COL25A1: variants seen among roughly 807,000 people sequenced by gnomAD.
The protein encoded by COL25A1 is collagen alpha-1(XXV) chain.
A neutral mutation model predicts 128.4 loss-of-function variants in COL25A1; 103 were observed. That is an observed-to-expected ratio of 0.80 (90% CI 0.68 to 0.94). The LOEUF is 0.94. Ranked by LOEUF, COL25A1 falls within the 40% of genes least tolerant of loss-of-function variation. COL25A1 has a pLI of 0.00. For synonymous variants in COL25A1, 279 were observed against 277.2 expected (o/e 1.01, Z -0.06); for missense variants, 745 against 840.0 (o/e 0.89, Z 1.40).
At chr4:109,289,728 TG>T (rs1724274437) in intron 3 of COL25A1, among the ~76,000 whole-genome samples, 2 of 152,064 alleles carry the variant, frequency 1.3e-5, no homozygotes, top group African/African-American at 4.8e-5. Context: ...CTGAGTAGAA[TG>T]GGGTTCTTAT....
intron 11 of COL25A1, among the ~76,000 whole-genome samples, chr4:108,923,896 A>G (rs12502540): frequency 0.76 from 115,684 of 152,092 alleles, 44,536 homozygotes; most frequent in East Asian, 1. Context: ...AATCAATGAA[A>G]TGGTCCTTCC....
chr4:108,931,254 C>T (rs970314681), intron 11 of COL25A1, among the ~76,000 whole-genome samples: 15 of 152,052 alleles, frequency 9.9e-5, no homozygotes, highest in African/African-American at 2.4e-4. Context: ...AGTAGGATGA[C>T]GGGACTTTAG....
At chr4:109,257,815 C>T (rs1781176222) in intron 3 of COL25A1, among the ~76,000 whole-genome samples, 1 of 152,062 alleles carries the variant, frequency 6.6e-6, no homozygotes, top group Non-Finnish European at 1.5e-5. Flanking sequence ...CAGATTGAGA[C>T]TTCAAAGACT....
intron 3 of COL25A1, among the ~76,000 whole-genome samples, chr4:109,102,811 C>T (rs1049093591): frequency 9.2e-5 from 14 of 152,228 alleles, no homozygotes; most frequent in African/African-American, 3.4e-4. Flanking sequence ...AATATAGCCA[C>T]TTTAGCTTAC....
chr4:109,196,448 T>C (rs1776053448), intron 3 of COL25A1, among the ~76,000 whole-genome samples: 2 of 152,216 alleles, frequency 1.3e-5, no homozygotes, highest in African/African-American at 4.8e-5. Flanking sequence ...TGTAAACATA[T>C]ATGTTTACAT....
chr4:109,194,236 T>C (rs1400914166), intron 3 of COL25A1, among the ~76,000 whole-genome samples: 3 of 152,188 alleles, frequency 2.0e-5, no homozygotes, highest in Non-Finnish European at 2.9e-5. Context: ...TGGCAAAGGC[T>C]AATGTAAAAA....
intron 3 of COL25A1, among the ~76,000 whole-genome samples, chr4:109,190,138 G>T (rs1037122965): frequency 6.6e-6 from 1 of 152,022 alleles, no homozygotes; most frequent in African/African-American, 2.4e-5. Flanking sequence ...ATAAATGAGA[G>T]AAGATAATAT....
At chr4:109,248,191 T>C (rs1457867389) in intron 3 of COL25A1, among the ~76,000 whole-genome samples, 1 of 152,170 alleles carries the variant, frequency 6.6e-6, no homozygotes, top group Non-Finnish European at 1.5e-5. Context: ...CTCTAGTCCT[T>C]AGCCAGGGTA....
chr4:108,894,788 G>A (rs1165285789), intron 16 of COL25A1, among the ~76,000 whole-genome samples: 1 of 152,036 alleles, frequency 6.6e-6, no homozygotes, highest in African/African-American at 2.4e-5. Flanking sequence ...GAGTAATCAG[G>A]GTATATCATT....
intron 5 of COL25A1, among the ~76,000 whole-genome samples, chr4:109,031,516 A>C (rs1316591391): frequency 6.6e-6 from 1 of 152,150 alleles, no homozygotes; most frequent in African/African-American, 2.4e-5. Flanking sequence ...AGGTCACAAA[A>C]CCTTAAGGAT....
intron 3 of COL25A1, among the ~76,000 whole-genome samples, chr4:109,169,396 A>C (rs1381767178): frequency 2.6e-5 from 4 of 152,052 alleles, no homozygotes; most frequent in Non-Finnish European, 4.4e-5. Context: ...TTATGATATG[A>C]CTCATATTTG....
chr4:109,178,835 CAAAAAAAAAAA>C (rs34132262), intron 3 of COL25A1, among the ~76,000 whole-genome samples: 169 of 47,578 alleles, frequency 3.6e-3, no homozygotes, highest in African/African-American at 0.015. Flanking sequence ...ACTCCATCTC[CAAAAAAAAAAA>C]AAAAAAAAAA....
chr4:108,849,025 A>G (rs1185080402), intron 26 of COL25A1, among the ~76,000 whole-genome samples: 1 of 152,156 alleles, frequency 6.6e-6, no homozygotes, highest in Non-Finnish European at 1.5e-5. Flanking sequence ...CAATGCTTTT[A>G]GTGTTTTTAT....
chr4:109,272,307 A>T (rs113656902), intron 3 of COL25A1, among the ~76,000 whole-genome samples: 1 of 152,214 alleles, frequency 6.6e-6, no homozygotes, highest in African/African-American at 2.4e-5. Flanking sequence ...GAGGAGAATG[A>T]AATTGTTCAT....
intron 15 of COL25A1, among the ~76,000 whole-genome samples, chr4:108,897,659 A>G (rs1396583388): frequency 6.6e-6 from 1 of 152,242 alleles, no homozygotes; most frequent in Non-Finnish European, 1.5e-5. Flanking sequence ...GCTATTAATG[A>G]TAACAATGCA....
chr4:108,975,040 A>C (rs894519110), intron 6 of COL25A1, among the ~76,000 whole-genome samples: 8 of 152,190 alleles, frequency 5.3e-5, no homozygotes, highest in African/African-American at 1.7e-4. Flanking sequence ...TTTTGTGTGT[A>C]GTTGTAGATT....
intron 3 of COL25A1, among the ~76,000 whole-genome samples, chr4:109,163,009 T>C (rs375025726): frequency 6.6e-6 from 1 of 152,228 alleles, no homozygotes; most frequent in East Asian, 1.9e-4. Context: ...GACTGAGCCA[T>C]CTTTGGGGTA....
At chr4:108,980,575 G>A (rs1334392610) in intron 6 of COL25A1, among the ~76,000 whole-genome samples, 1 of 152,202 alleles carries the variant, frequency 6.6e-6, no homozygotes, top group Non-Finnish European at 1.5e-5. Flanking sequence ...ATTGGAAATA[G>A]CTGAGGAGAG....
intron 3 of COL25A1, among the ~76,000 whole-genome samples, chr4:109,077,458 T>G (rs1763479973): frequency 7.3e-6 from 1 of 137,292 alleles, no homozygotes; most frequent in Admixed American, 7.3e-5. Context: ...ACACTCCTGC[T>G]AAGGAACAAA....
Sources: gnomAD v4.1 joint callset for allele counts (sites outside exome capture counted in the v4.1 genomes callset) on GRCh38, gnomAD v4.1.1 for gene constraint, MANE v1.5 for transcripts, NCBI Gene and HGNC (gene_info 2026-07-23, HGNC 2026-07-21) for gene names.